KDM5A: variants seen among roughly 807,000 people sequenced by gnomAD.
The protein encoded by KDM5A is lysine-specific demethylase 5A.
KDM5A carries 42 observed loss-of-function variants against 193.5 expected under a neutral mutation model. The observed-to-expected ratio is 0.22, with a 90% confidence interval of 0.17 to 0.28. The LOEUF (loss-of-function observed/expected upper bound fraction) is 0.28, where lower values mean the gene tolerates loss of function less well. KDM5A is among the 10% of genes least tolerant of loss of function. KDM5A has a pLI of 1.00. For synonymous variants in KDM5A, 796 were observed against 718.1 expected (o/e 1.11, Z -1.73); for missense variants, 1,692 against 2,055.1 (o/e 0.82, Z 3.42).
At chr12:359,675 G>A (rs1268665602) in intron 5 of KDM5A, among the ~76,000 whole-genome samples, 1 of 148,298 alleles carries the variant, frequency 6.7e-6, no homozygotes, top group Non-Finnish European at 1.5e-5. Context: ...CCAGGAGGCA[G>A]AGGTTGCGAT....
Position 308,022 on chromosome 12 carries a change from T to G in KDM5A, c.3379-17A>C. ...AACTGCCACCTGTACAAGACAAACA[T>G]TTAATTGAAAAGAGTCACTGCAATA... On this transcript the variant is annotated splice_polypyrimidine_tract_variant and intron_variant, in intron 22 of 27. Coordinates refer to ENST00000399788, the MANE Select transcript of KDM5A (RefSeq NM_001042603.3). 6.2e-7 allele frequency: 1 copy of G among 1,612,596 alleles called. No homozygotes were observed. The highest frequency in any genetic ancestry group is 8.5e-7 in the Non-Finnish European group (1 of 1,179,250).
In KDM5A at chr12:280,857, T is replaced by C. The variant is rs1283184571; in HGVS notation, c.*4599A>G. ...ACTCCAAAAACACTATTCTCAGCAATGATAATAGGCTAATCACACCACTGA... is the reference window on the plus strand; with the variant it reads ...ACTCCAAAAACACTATTCTCAGCAACGATAATAGGCTAATCACACCACTGA... On this transcript the variant is annotated 3_prime_UTR_variant, in exon 28 of 28. Coordinates refer to ENST00000399788, the MANE Select transcript of KDM5A (RefSeq NM_001042603.3). 4 of 232,852 alleles carry C rather than the reference T, an allele frequency of 1.7e-5. No individual in the cohort carries two copies. The highest frequency in any genetic ancestry group is 8.8e-5 in the African/African-American group (4 of 45,332). 14.4% of individuals were successfully genotyped at this position (232,852 alleles called of 1,614,324 possible).
At chr12:379,558 G>A (rs1007271996) in intron 3 of KDM5A, among the ~76,000 whole-genome samples, 2 of 152,114 alleles carry the variant, frequency 1.3e-5, no homozygotes, top group East Asian at 1.9e-4. Flanking sequence ...AAAAGTTAAC[G>A]TGAGAAGCAG....
At chr12:316,074 G>A (rs1428692839) in intron 19 of KDM5A, among the ~76,000 whole-genome samples, 1 of 152,098 alleles carries the variant, frequency 6.6e-6, no homozygotes. Context: ...GAAGGCCAAA[G>A]GCAAAGGAAG....
At chr12:376,023 G>T (rs1162024770) in intron 3 of KDM5A, among the ~76,000 whole-genome samples, 1 of 152,220 alleles carries the variant, frequency 6.6e-6, no homozygotes, top group Non-Finnish European at 1.5e-5. Flanking sequence ...GCTACTTGGG[G>T]GTCAGGGACC....
intron 10 of KDM5A, among the ~76,000 whole-genome samples, chr12:346,850 C>A (rs1944083211): frequency 6.6e-6 from 1 of 152,086 alleles, no homozygotes; most frequent in South Asian, 2.1e-4. Context: ...CTTTGAAAAC[C>A]AGCACAAGAG....
At chr12:300,987 T>G (rs551030005) in intron 24 of KDM5A, among the ~76,000 whole-genome samples, 3 of 152,178 alleles carry the variant, frequency 2.0e-5, no homozygotes, top group African/African-American at 4.8e-5. Context: ...CAGGAAGAAG[T>G]TGAATCCCTG....
chr12:379,911 G>C (rs1944554387), intron 3 of KDM5A, among the ~76,000 whole-genome samples: 1 of 152,198 alleles, frequency 6.6e-6, no homozygotes. Flanking sequence ...GAACAACTAA[G>C]TATTCAGACT....
chr12:295,677 C>A lies in KDM5A; in HGVS notation c.4351G>T (p.Val1451Phe). The A allele has an allele frequency of 6.2e-7, 1 of 1,614,140 alleles. No individual in the cohort carries two copies. The highest frequency in any genetic ancestry group is 8.5e-7 in the Non-Finnish European group (1 of 1,180,000). Residue 1451 changes from valine (V) to phenylalanine (F), a missense_variant, in exon 26 of 28, where the codon GTT (valine) becomes TTT (phenylalanine). Val to Phe is a conservative substitution (Grantham distance 50). This residue lies in a region of KDM5A where 965 missense variants were observed against 1,061.0 expected (regional missense o/e 0.91). Coordinates refer to ENST00000399788, the MANE Select transcript of KDM5A (RefSeq NM_001042603.3). ...AKAQLEELMMVGDLLEVSLDE... is the reference protein window; with the variant it reads ...AKAQLEELMMFGDLLEVSLDE... ...AGAGATACTTCCAGGAGATCTCCAA[C>A]CATCATAAGTTCTTCCAGTTGTGCC...
intron 8 of KDM5A, among the ~76,000 whole-genome samples, chr12:353,261 C>T (rs1282396746): frequency 6.6e-6 from 1 of 151,990 alleles, no homozygotes; most frequent in Admixed American, 6.6e-5. Flanking sequence ...GCCCAGAAGC[C>T]AGAGGCTGCA....
chr12:331,873 T>A lies in KDM5A; in HGVS notation c.1719A>T (p.Gly573=). The A allele has an allele frequency of 6.2e-7, 1 of 1,613,978 alleles. No individual in the cohort carries two copies. Among genetic ancestry groups the A allele is most frequent in the Non-Finnish European group, 8.5e-7 (1 of 1,179,956 alleles). ...CAGCAAAGTTGTAGCCCTGGTTAAA[T>A]CCAGAGTGATAGGCACGAGGAAATG... ...VVTFPRAYHS[G]FNQGYNFAEA... Residue 573 remains glycine (G), a synonymous_variant, in exon 13 of 28, where the codon GGA becomes GGT. Coordinates refer to ENST00000399788, the MANE Select transcript of KDM5A (RefSeq NM_001042603.3).
rs566491052 is a variant in KDM5A, at chr12:357,824, T to A, written c.673-1287A>T. ...GCCTGGGCGACAGAGCAAGACTCAGTCTCAAAAAAAAAAAAAAAAAAAAAA... is the reference window on the plus strand; with the variant it reads ...GCCTGGGCGACAGAGCAAGACTCAGACTCAAAAAAAAAAAAAAAAAAAAAA... On this transcript the variant is annotated intron_variant, in intron 5 of 27. Coordinates refer to ENST00000399788, the MANE Select transcript of KDM5A (RefSeq NM_001042603.3). 3.9e-3 allele frequency among the ~76,000 whole-genome samples: 46 copies of A among 11,736 alleles called. 1 individual carries two copies. Among genetic ancestry groups the A allele is most frequent in the Admixed American group, 0.013 (10 of 744 alleles). 7.7% of individuals were successfully genotyped at this position (11,736 alleles called of 152,430 possible).
chr12:331,680 C>T (rs1943868388), intron 13 of KDM5A, 139 bp downstream of exon 13: 3 of 837,468 alleles, frequency 3.6e-6, no homozygotes, highest in South Asian at 2.8e-5. Context: ...GCTTTCTAAA[C>T]TACAATAGCC....
In KDM5A at chr12:285,205, G is replaced by C; in HGVS notation, c.*251C>G. ...CAATTAAGCATCTGGCCTTAATGCA[G>C]TAAACCACACTCAAAGGAGACATGA... is the stretch of plus-strand genomic sequence containing the variant. On this transcript the variant is annotated 3_prime_UTR_variant, in exon 28 of 28. Transcript: ENST00000399788. The C allele has an allele frequency of 1.8e-6, 1 of 561,664 alleles. No individual in the cohort carries two copies. The allele number at this position is 561,664 out of a possible 1,614,324, so 34.8% of individuals were successfully genotyped here.
At chr12:331,396 AAAG>A (rs1335477845) in intron 13 of KDM5A, among the ~76,000 whole-genome samples, 1 of 152,236 alleles carries the variant, frequency 6.6e-6, no homozygotes, top group East Asian at 1.9e-4. Context: ...TTCCCTTAGA[AAAG>A]AAGGATTCAG....
In KDM5A at chr12:318,173, C is replaced by G; in HGVS notation, c.2830G>C (p.Glu944Gln). The G allele has an allele frequency of 6.2e-7, 1 of 1,614,208 alleles. No homozygotes were observed. The highest frequency in any genetic ancestry group is 1.3e-5 in the African/African-American group (1 of 75,062). ...PHHAVEKAMA[E>Q]LQELLTVSER... The stretch of plus-strand genomic sequence containing the variant: ...GAGACTGTAAGGAGCTCCTGTAGTT[C>G]AGCCATTGCTTTCTCCACAGCATGG... Residue 944 changes from glutamate (E) to glutamine (Q), a missense_variant, in exon 19 of 28, where the codon GAA becomes CAA. Glu to Gln is a conservative substitution (Grantham distance 29). Coordinates refer to ENST00000399788, the MANE Select transcript of KDM5A (RefSeq NM_001042603.3).
At chr12:288,436 T>A (rs867263113) in intron 27 of KDM5A, among the ~76,000 whole-genome samples, 1 of 152,338 alleles carries the variant, frequency 6.6e-6, no homozygotes, top group African/African-American at 2.4e-5. Context: ...TATGTTTAGA[T>A]CTGGGGGAAA....
intron 10 of KDM5A, 24 bp downstream of exon 10, chr12:350,597 G>C (rs760317341): frequency 6.2e-7 from 1 of 1,613,518 alleles, no homozygotes; most frequent in African/African-American, 1.3e-5. Context: ...TTGGGGGTAA[G>C]CAAAAGTTTG....
At chr12:304,194 G>T (rs978867060) in intron 24 of KDM5A, among the ~76,000 whole-genome samples, 19 of 152,218 alleles carry the variant, frequency 1.2e-4, no homozygotes, top group African/African-American at 4.3e-4. Flanking sequence ...TGATTTTCTG[G>T]ATGGTAACTA....
Sources: gnomAD v4.1 joint callset for allele counts (sites outside exome capture counted in the v4.1 genomes callset) on GRCh38, gnomAD v4.1.1 for gene constraint, gnomAD v4.1.1 regional missense constraint, MANE v1.5 for transcripts, NCBI Gene and HGNC (gene_info 2026-07-23, HGNC 2026-07-21) for gene names.